Variants in MATK observed in about 807,000 individuals in gnomAD.
MATK encodes the protein megakaryocyte-associated tyrosine-protein kinase.
Under a neutral mutation model 59.8 loss-of-function variants are expected in MATK, and 41 were observed. The observed-to-expected ratio is 0.69, with a 90% CI of 0.53 to 0.89. The LOEUF (loss-of-function observed/expected upper bound fraction) is 0.89, where lower values mean the gene tolerates loss of function less well. MATK is among the 40% of genes least tolerant of loss of function. MATK has a pLI of 0.00. For missense variants in MATK, 593 were observed against 719.6 expected, an observed-to-expected ratio of 0.82 and a Z score of 2.01; for synonymous variants, 308 against 306.1, an observed-to-expected ratio of 1.01 and a Z score of -0.06.
intron 1 of MATK, among the ~76,000 whole-genome samples, chr19:3,800,338 G>A (rs577739857): frequency 4.6e-5 from 7 of 151,424 alleles, no homozygotes; most frequent in African/African-American, 1.7e-4. Flanking sequence ...AAAGAATAGA[G>A]AGCAGGATGG....
chr19:3,782,517 A>G (rs1476997648), intron 7 of MATK, among the ~76,000 whole-genome samples: 3 of 152,246 alleles, frequency 2.0e-5, no homozygotes, highest in African/African-American at 2.4e-5. Context: ...GGAACAGAAT[A>G]TACAATGGCT....
chr19:3,781,680 G>C lies in MATK; in HGVS notation c.677-8C>G. 1 of 1,612,496 alleles carries C rather than the reference G, an allele frequency of 6.2e-7. No individual in the cohort carries two copies. The highest frequency in any genetic ancestry group is 2.2e-5 in the East Asian group (1 of 44,876). On this transcript the variant is annotated splice_polypyrimidine_tract_variant and splice_region_variant and intron_variant, in intron 7 of 13. Transcript: ENST00000310132. ...GGTTCAGTAACCAGCCCGCTGTGGA[G>C]TGAAGACCCAGTCAGAGGGGTAATG... is the stretch of plus-strand genomic sequence containing the variant.
intron 1 of MATK, among the ~76,000 whole-genome samples, chr19:3,792,106 TAAA>T (rs59970387): frequency 8.5e-5 from 12 of 141,114 alleles, no homozygotes; most frequent in Non-Finnish European, 1.4e-4. Flanking sequence ...GACTCCATCT[TAAA>T]AAAAAAAAAA....
chr19:3,791,436 G>A (rs1401483140), intron 1 of MATK, among the ~76,000 whole-genome samples: 5 of 150,662 alleles, frequency 3.3e-5, no homozygotes, highest in Middle Eastern at 3.2e-3. Flanking sequence ...TCTGCCTCCC[G>A]GGTTTAAGTG....
At chr19:3,788,707 A>C (rs2037513778), upstream of MATK, among the ~76,000 whole-genome samples, 1 of 151,684 alleles carries the variant, frequency 6.6e-6, no homozygotes, top group Non-Finnish European at 1.5e-5. Context: ...ACGATCCTCC[A>C]ACCTTGGCCT....
In MATK at chr19:3,785,156, G is replaced by A. The variant is rs372454036; in HGVS notation, c.-21C>T. 3 of 1,613,936 alleles carry A rather than the reference G, an allele frequency of 1.9e-6. No individual in the cohort carries two copies. The highest frequency in any genetic ancestry group is 2.5e-6 in the Non-Finnish European group (3 of 1,179,956). The stretch of plus-strand genomic sequence containing the variant: ...GCCATCGCCCCCAGAGGGAAACTGA[G>A]GCAGGTGAGAGGCACACTGAGCAAG... On this transcript the variant is annotated 5_prime_UTR_variant, in exon 2 of 14. Transcript: ENST00000310132.
chr19:3,790,423 G>T (rs116312791), upstream of MATK, among the ~76,000 whole-genome samples: 4 of 152,280 alleles, frequency 2.6e-5, no homozygotes, highest in African/African-American at 4.8e-5. Flanking sequence ...CCTTTCTGGC[G>T]TCCTGGCTGC....
chr19:3,784,140 TG>T lies in MATK; in HGVS notation c.345del (p.Lys116SerfsTer45). On this transcript the variant is annotated frameshift_variant, in exon 5 of 14. Transcript: ENST00000310132. LOFTEE classifies it high-confidence loss of function. ...CCCACTCACGGCATGAGGCTGAGCT[TG>T]GGGTCTGCGGAGAGGGCCTCCCGCT... ...LREREALSAD[P>X]KLSLMPWFHG... 1 of 1,611,702 alleles carries T rather than the reference TG, an allele frequency of 6.2e-7. No homozygotes were observed. Among genetic ancestry groups the T allele is most frequent in the Non-Finnish European group, 8.5e-7 (1 of 1,178,710 alleles).
intron 1 of MATK, 41 bp from the exon 2 acceptor site, chr19:3,785,327 G>T: frequency 1.5e-6 from 2 of 1,296,008 alleles, no homozygotes; most frequent in Non-Finnish European, 1.0e-6. Flanking sequence ...ATAGGGATGA[G>T]TCAAGGTCAT....
rs762544633 is a variant in MATK at position 3,784,402 on chromosome 19, C to T, written c.182G>A (p.Arg61His). 28 of 1,604,740 alleles carry T rather than the reference C, an allele frequency of 1.7e-5. No homozygotes were observed. The highest frequency in any genetic ancestry group is 4.5e-5 in the East Asian group (2 of 44,586). ...GAAGGCCAGCTCCCCTGGCTTGGGGCGGGTGTGCTCGCATTTGGTGATACA... is the reference window on the plus strand; with the variant it reads ...GAAGGCCAGCTCCCCTGGCTTGGGGTGGGTGTGCTCGCATTTGGTGATACA... ...TQCITKCEHT[R>H]PKPGELAFRK... The change falls in exon 4 of 14, where the codon CGC (arginine) becomes CAC (histidine). Residue 61 changes from arginine (R) to histidine (H), a missense_variant. Transcript: ENST00000310132.
chr19:3,786,424 G>T, upstream of MATK: 1 of 975,348 alleles, frequency 1.0e-6, no homozygotes. This position sits in a 1 kb window ranked among gnomAD's most constrained non-coding sequence, Gnocchi z 4.1. Context: ...GCCCCTCCCC[G>T]CCCCGCCTCC....
At position 3,778,540 on chromosome 19, in the gene MATK, A is replaced by G; in HGVS notation, c.1253T>C (p.Phe418Ser). 1 of 1,613,776 alleles carries G rather than the reference A, an allele frequency of 6.2e-7. No homozygotes were observed. The highest frequency in any genetic ancestry group is 8.5e-7 in the Non-Finnish European group (1 of 1,179,936). ...WSFGVLLWEV[F>S]SYGRAPYPKM... ...AGGGTACGGAGCCCGTCCATATGAG[A>G]AGACCTCCCAGAGCAGCACCCCAAA... The change falls in exon 13 of 14, where the codon TTC becomes TCC. Residue 418 changes from phenylalanine to serine, a missense_variant. Phe to Ser is a radical substitution (Grantham distance 155, BLOSUM62 -2). Transcript: ENST00000310132.
intron 8 of MATK, among the ~76,000 whole-genome samples, chr19:3,780,001 T>C (rs2037377161): frequency 6.6e-6 from 1 of 152,148 alleles, no homozygotes; most frequent in South Asian, 2.1e-4. Flanking sequence ...ACCATCTGGC[T>C]CTGGCGCGGT....
chr19:3,784,125 G>A lies in MATK; in HGVS notation c.361C>T (p.Pro121Ser). The A allele has an allele frequency of 6.2e-7, 1 of 1,607,798 alleles. No homozygotes were observed. Among genetic ancestry groups the A allele is most frequent in the Non-Finnish European group, 8.5e-7 (1 of 1,176,260 alleles). ...CAGGCCCCTGTCCTGCCCACTCACG[G>A]CATGAGGCTGAGCTTGGGGTCTGCG... ...LSADPKLSLM[P>S]WFHGKISGQE... is the part of the protein sequence containing the mutation. Residue 121 changes from proline to serine, a missense_variant and splice_region_variant, in exon 5 of 14, where the codon CCG becomes TCG. Pro to Ser is a moderately conservative substitution (Grantham distance 74, BLOSUM62 -1). Coordinates refer to ENST00000310132, the MANE Select transcript of MATK (RefSeq NM_139355.3).
rs778066454 is a variant in MATK at position 3,779,541 on chromosome 19, C to T, written c.919G>A (p.Val307Met). Reference protein sequence around the residue: ...HQGLYIVMEHVSKGNLVNFLR... With the variant: ...HQGLYIVMEHMSKGNLVNFLR... ...CCTGGGCCCCGCCCCACCTTGCTCACGTGCTCCATGACAATGTACAGCCCC... is the reference window on the plus strand; with the variant it reads ...CCTGGGCCCCGCCCCACCTTGCTCATGTGCTCCATGACAATGTACAGCCCC... Residue 307 changes from valine (V) to methionine (M), a missense_variant, in exon 10 of 14, where the codon GTG becomes ATG. By Grantham distance (21) the Val-to-Met change is conservative. Transcript: ENST00000310132. 16 of 1,611,506 alleles carry T rather than the reference C, an allele frequency of 9.9e-6. No homozygotes were observed. The highest frequency in any genetic ancestry group is 6.7e-5 in the African/African-American group (5 of 74,890).
At chr19:3,781,732 T>C (rs2037404937) in intron 7 of MATK, 60 bp from the exon 8 acceptor site, 1 of 1,351,242 alleles carries the variant, frequency 7.4e-7, no homozygotes, top group Admixed American at 1.7e-5. Context: ...CCATTGGGGG[T>C]TCTACTTGGT....
At chr19:3,796,444 A>G (rs2037595277) in intron 1 of MATK, among the ~76,000 whole-genome samples, 1 of 152,180 alleles carries the variant, frequency 6.6e-6, no homozygotes, top group African/African-American at 2.4e-5. Flanking sequence ...TTAAATCACA[A>G]TTTTTGCTTA....
chr19:3,785,030 G>T (rs753018753), intron 2 of MATK, 34 bp downstream of exon 2: 3 of 1,602,680 alleles, frequency 1.9e-6, no homozygotes, highest in Non-Finnish European at 2.6e-6. Flanking sequence ...CCCAGAACTG[G>T]CTCCCCAAGC....
intron 1 of MATK, among the ~76,000 whole-genome samples, chr19:3,795,022 G>C (rs2037580922): frequency 7.6e-6 from 1 of 131,492 alleles, no homozygotes; most frequent in South Asian, 2.5e-4. Flanking sequence ...CTGTTGCCCA[G>C]GCTGGAGTGC....
Sources: allele counts gnomAD v4.1 joint callset (sites outside exome capture counted in the v4.1 genomes callset), GRCh38; gene constraint gnomAD v4.1.1; non-coding constraint Gnocchi (gnomAD v3.1); transcripts MANE v1.5; gene names NCBI Gene and HGNC (gene_info 2026-07-23, HGNC 2026-07-21).